The following KIRREL3 variants were observed in gnomAD, a reference collection of about 807,000 sequenced individuals.
KIRREL3 encodes kirre like nephrin family adhesion molecule 3.
In KIRREL3, 36 loss-of-function variants were observed where a neutral mutation model predicts 89.7. The ratio of observed to expected loss-of-function variants is 0.40; its 90% confidence interval spans 0.31 to 0.53. The LOEUF (loss-of-function observed/expected upper bound fraction) is 0.53. Ranked by LOEUF, KIRREL3 falls within the 20% of genes least tolerant of loss-of-function variation. KIRREL3 has a pLI of 0.49. For synonymous variants in KIRREL3, 445 were observed against 441.4 expected, an observed-to-expected ratio of 1.01 and a Z score of -0.10; for missense variants, 864 against 1,056.6, an observed-to-expected ratio of 0.82 and a Z score of 2.53.
rs1178797868 is a variant in KIRREL3 at position 126,687,279 on chromosome 11, T to G, written c.56-124367A>C. 6.6e-6 allele frequency among the ~76,000 whole-genome samples: 1 copy of G among 152,186 alleles called. No homozygotes were observed. Among genetic ancestry groups the G allele is most frequent in the Non-Finnish European group, 1.5e-5 (1 of 68,030 alleles). Reference sequence around the variant, plus strand: ...TAAGCAAATTCAGAGTCACCCTAACTTGGGTCATTTGCATCACAAAATTGC... The same window carrying G: ...TAAGCAAATTCAGAGTCACCCTAACGTGGGTCATTTGCATCACAAAATTGC... On this transcript the variant is annotated intron_variant, in intron 1 of 16. Coordinates refer to ENST00000525144, the MANE Select transcript of KIRREL3 (RefSeq NM_032531.4). This position sits in a 1 kb window ranked among gnomAD's most constrained non-coding sequence, Gnocchi z 4.6.
At chr11:126,634,915 T>G (rs866540147) in intron 1 of KIRREL3, among the ~76,000 whole-genome samples, 1 of 151,954 alleles carries the variant, frequency 6.6e-6, no homozygotes, top group Admixed American at 6.6e-5. Context: ...TAGGGAAGTG[T>G]GGAGGGAGGG....
At position 126,548,038 on chromosome 11, in the gene KIRREL3, A is replaced by G. The variant is rs187806471; in HGVS notation, c.133+14797T>C. 2.2e-3 allele frequency among the ~76,000 whole-genome samples: 333 copies of G among 151,774 alleles called. 1 individual carries two copies. The highest frequency in any genetic ancestry group is 7.8e-3 in the African/African-American group (323 of 41,342). On this transcript the variant is annotated intron_variant, in intron 2 of 16. Transcript: ENST00000525144. ...TTAGATGGTGCAAGTGTGCAAAAGT[A>G]CCCTCCTTGGCCCTCGTCTTTGTGT...
At position 126,811,501 on chromosome 11, in the gene KIRREL3, T is replaced by C. The variant is rs1951386157; in HGVS notation, c.55+188954A>G. 6.6e-6 allele frequency among the ~76,000 whole-genome samples: 1 copy of C among 152,238 alleles called. No homozygotes were observed. The highest frequency in any genetic ancestry group is 2.4e-5 in the African/African-American group (1 of 41,464). On this transcript the variant is annotated intron_variant, in intron 1 of 16. Coordinates refer to ENST00000525144, the MANE Select transcript of KIRREL3 (RefSeq NM_032531.4). This position sits in a 1 kb window ranked among gnomAD's most constrained non-coding sequence, Gnocchi z 4.3. ...ACTGGACAGATACATGAGTAATGAA[T>C]AGGAACCTGTGCATTGGACGGGGAC...
Position 126,694,052 on chromosome 11 carries a change from TCA to T in KIRREL3, c.56-131142_56-131141del, listed in dbSNP as rs1326731428. Among the ~76,000 whole-genome samples the T allele has an allele frequency of 4.6e-5, 7 of 152,314 alleles. No homozygotes were observed. The highest frequency in any genetic ancestry group is 1.7e-4 in the African/African-American group (7 of 41,560). On this transcript the variant is annotated intron_variant, in intron 1 of 16. Transcript: ENST00000525144. The surrounding 1 kb of genome is among the most constrained non-coding windows in gnomAD (Gnocchi z 4.4). ...AAGAGGCGGAGGGAAGCGGCACAGC[TCA>T]CAGTCACACTAGGACAACTTGGAAG...
rs1385557753 is a variant in KIRREL3, at chr11:126,931,607, T to C, written c.55+68848A>G. On this transcript the variant is annotated intron_variant, in intron 1 of 16. Coordinates refer to ENST00000525144, the MANE Select transcript of KIRREL3 (RefSeq NM_032531.4). This position sits in a 1 kb window ranked among gnomAD's most constrained non-coding sequence, Gnocchi z 5.1. ...CTGTTTTATGTCCAAATCTACTTTC[T>C]AGTAGCAAGTATAAGAATGAGGATT... Among the ~76,000 whole-genome samples the C allele has an allele frequency of 6.6e-6, 1 of 152,228 alleles. No homozygotes were observed.
chr11:126,538,264 A>G (rs186312130), intron 2 of KIRREL3, among the ~76,000 whole-genome samples: 5 of 152,344 alleles, frequency 3.3e-5, no homozygotes, highest in South Asian at 4.1e-4. Context: ...TTAGTGACCA[A>G]TTGGAGAAGG....
At position 126,703,595 on chromosome 11, in the gene KIRREL3, C is replaced by A. The variant is rs921528561; in HGVS notation, c.56-140683G>T. On this transcript the variant is annotated intron_variant, in intron 1 of 16. Transcript: ENST00000525144. This position sits in a 1 kb window ranked among gnomAD's most constrained non-coding sequence, Gnocchi z 4.6. Reference sequence around the variant, plus strand: ...AGATCGGGAGTGATGGGGCTGTAATCCAAATGCTGGGCTGGCTGACTCCTA... The same window carrying A: ...AGATCGGGAGTGATGGGGCTGTAATACAAATGCTGGGCTGGCTGACTCCTA... Among the ~76,000 whole-genome samples, 1 of 152,170 alleles carries A rather than the reference C, an allele frequency of 6.6e-6. No homozygotes were observed. Among genetic ancestry groups the A allele is most frequent in the Admixed American group, 6.5e-5 (1 of 15,272 alleles).
rs1946741161 is a variant in KIRREL3 at position 126,909,823 on chromosome 11, C to T, written c.55+90632G>A. On this transcript the variant is annotated intron_variant, in intron 1 of 16. Transcript: ENST00000525144. This position sits in a 1 kb window ranked among gnomAD's most constrained non-coding sequence, Gnocchi z 4.5. Reference sequence around the variant, plus strand: ...AAACTTGGTTAAAATATGGATTAATCCCTGGGAGGGTGTTATGCAAGATTC... The same window carrying T: ...AAACTTGGTTAAAATATGGATTAATTCCTGGGAGGGTGTTATGCAAGATTC... Among the ~76,000 whole-genome samples, 1 of 152,078 alleles carries T rather than the reference C, an allele frequency of 6.6e-6. No individual in the cohort carries two copies. The highest frequency in any genetic ancestry group is 2.1e-4 in the South Asian group (1 of 4,820).
In KIRREL3 at chr11:126,652,993, G is replaced by A. The variant is rs918334561; in HGVS notation, c.56-90081C>T. 1.3e-5 allele frequency: 2 copies of A among 151,688 alleles called. No individual in the cohort carries two copies. Among genetic ancestry groups the A allele is most frequent in the African/African-American group, 4.8e-5 (2 of 41,284 alleles). 9.4% of individuals were successfully genotyped at this position (151,688 alleles called of 1,614,324 possible). A position where few individuals can be genotyped will look rare whatever the true frequency, so the allele number is the denominator to read the frequency against. On this transcript the variant is annotated intron_variant, in intron 1 of 16. Coordinates refer to ENST00000525144, the MANE Select transcript of KIRREL3 (RefSeq NM_032531.4). The surrounding 1 kb of genome is among the most constrained non-coding windows in gnomAD (Gnocchi z 4.9). ...CATTCATTCATGCATTCAGCAGCCA[G>A]TATTTGTTAAATGTCTCCTACACTC...
chr11:126,986,732 T>C (rs1398540282), intron 1 of KIRREL3, among the ~76,000 whole-genome samples: 1 of 152,226 alleles, frequency 6.6e-6, no homozygotes, highest in Non-Finnish European at 1.5e-5. Context: ...ATCGTAAGTT[T>C]GGCTTCTTAT....
chr11:126,845,840 C>T (rs925719849), intron 1 of KIRREL3, among the ~76,000 whole-genome samples: 3 of 152,042 alleles, frequency 2.0e-5, no homozygotes, highest in Admixed American at 1.3e-4. Context: ...TAAAAGAGTG[C>T]TATAGTTAAA....
chr11:126,682,066 A>G lies in KIRREL3; in HGVS notation c.56-119154T>C, dbSNP rs192947422. On this transcript the variant is annotated intron_variant, in intron 1 of 16. Coordinates refer to ENST00000525144, the MANE Select transcript of KIRREL3 (RefSeq NM_032531.4). The surrounding 1 kb of genome is among the most constrained non-coding windows in gnomAD (Gnocchi z 4.8). ...GATTTAAAGTTCTATGTTGTATTTTATTTGATGCAAAGCAATAAAATATTC... is the reference window on the plus strand; with the variant it reads ...GATTTAAAGTTCTATGTTGTATTTTGTTTGATGCAAAGCAATAAAATATTC... 51 of 347,342 alleles carry G rather than the reference A, an allele frequency of 1.5e-4. No homozygotes were observed. The highest frequency in any genetic ancestry group is 4.0e-5 in the Non-Finnish European group (7 of 175,546). 21.5% of individuals were successfully genotyped at this position (347,342 alleles called of 1,614,324 possible).
chr11:126,586,581 G>A (rs769518003), intron 1 of KIRREL3, among the ~76,000 whole-genome samples: 1 of 152,048 alleles, frequency 6.6e-6, no homozygotes, highest in Non-Finnish European at 1.5e-5. Context: ...AGACTAATTA[G>A]GTAACTCGTT....
At chr11:126,529,198 G>C (rs991633300) in intron 2 of KIRREL3, among the ~76,000 whole-genome samples, 5 of 152,118 alleles carry the variant, frequency 3.3e-5, no homozygotes, top group Non-Finnish European at 7.4e-5. Context: ...CGGGGAAGTG[G>C]GGTGCAAGAA....
Position 126,495,412 on chromosome 11 carries a change from CA to C in KIRREL3, c.434-21947del. On this transcript the variant is annotated intron_variant, in intron 4 of 16. Transcript: ENST00000525144. This position sits in a 1 kb window ranked among gnomAD's most constrained non-coding sequence, Gnocchi z 6.5. ...ACCCTCTGACCTCCCTGCCTGACCCCAGGTGGTTCTGCTTTCTCCCCAAAGC... is the reference window on the plus strand; with the variant it reads ...ACCCTCTGACCTCCCTGCCTGACCCCGGTGGTTCTGCTTTCTCCCCAAAGC... Among the ~76,000 whole-genome samples, 1 of 152,230 alleles carries C rather than the reference CA, an allele frequency of 6.6e-6. No homozygotes were observed. The highest frequency in any genetic ancestry group is 2.1e-4 in the South Asian group (1 of 4,822).
At chr11:126,911,685 G>A in intron 1 of KIRREL3, among the ~76,000 whole-genome samples, 1 of 152,092 alleles carries the variant, frequency 6.6e-6, no homozygotes, top group Middle Eastern at 3.2e-3. Context: ...ATGGTGGGAT[G>A]TGTCCATAAG....
rs1467624393 is a variant in KIRREL3 at position 126,780,171 on chromosome 11, C to CA, written c.56-217260dup. On this transcript the variant is annotated intron_variant, in intron 1 of 16. Transcript: ENST00000525144. The surrounding 1 kb of genome is among the most constrained non-coding windows in gnomAD (Gnocchi z 5.3). ...AGACAAGCGGGGAGAAATTCAGGTTCAATGAAAGGAAAACAGGAAAAGACT... is the reference window on the plus strand; with the variant it reads ...AGACAAGCGGGGAGAAATTCAGGTTCAAATGAAAGGAAAACAGGAAAAGACT... Among the ~76,000 whole-genome samples, 1 of 151,926 alleles carries CA rather than the reference C, an allele frequency of 6.6e-6. No homozygotes were observed. Among genetic ancestry groups the CA allele is most frequent in the Non-Finnish European group, 1.5e-5 (1 of 67,980 alleles).
In KIRREL3 at chr11:126,463,135, G is replaced by A; in HGVS notation, c.742+22C>T. 6.2e-7 allele frequency: 1 copy of A among 1,608,976 alleles called. No homozygotes were observed. The highest frequency in any genetic ancestry group is 8.5e-7 in the Non-Finnish European group (1 of 1,177,294). ...ACCCTGGGCCTGGCAGGGCTGGGTT[G>A]GGGGAGGGGGTGGGTACTCACGCTG... On this transcript the variant is annotated intron_variant, in intron 6 of 16. Coordinates refer to ENST00000525144, the MANE Select transcript of KIRREL3 (RefSeq NM_032531.4). This position sits in a 1 kb window ranked among gnomAD's most constrained non-coding sequence, Gnocchi z 5.9.
At chr11:126,442,613 G>A (rs1220426582) in intron 10 of KIRREL3, among the ~76,000 whole-genome samples, 2 of 152,166 alleles carry the variant, frequency 1.3e-5, no homozygotes, top group African/African-American at 2.4e-5. Context: ...GATTTGTCGC[G>A]ATAAAAACCT....
Sources: gnomAD v4.1 joint callset for allele counts (sites outside exome capture counted in the v4.1 genomes callset) on GRCh38, gnomAD v4.1.1 for gene constraint, Gnocchi (gnomAD v3.1) non-coding constraint, MANE v1.5 for transcripts, NCBI Gene and HGNC (gene_info 2026-07-23, HGNC 2026-07-21) for gene names.